THEM4: variants seen among roughly 807,000 people sequenced by gnomAD.
The protein encoded by THEM4 is thioesterase superfamily member 4.
THEM4 carries 22 observed loss-of-function variants against 25.0 expected under a neutral mutation model. That is an observed-to-expected ratio of 0.88 (90% CI 0.63 to 1.26). The LOEUF (loss-of-function observed/expected upper bound fraction) is 1.26, where lower values mean the gene tolerates loss of function less well. Among genes scored for constraint, THEM4 ranks in the 50% most tolerant of loss-of-function variants. The probability of loss-of-function intolerance (pLI) is 0.00; values close to 1 mark genes in which losing one functional copy is unlikely to be tolerated. For missense variants in THEM4, 286 were observed against 300.3 expected, an observed-to-expected ratio of 0.95 and a Z score of 0.35; for synonymous variants, 113 against 105.6, an observed-to-expected ratio of 1.07 and a Z score of -0.43.
chr1:151,884,645 T>C (rs992205695), intron 4 of THEM4, among the ~76,000 whole-genome samples: 3 of 151,910 alleles, frequency 2.0e-5, no homozygotes, highest in African/African-American at 7.3e-5. Context: ...ACTGAGGTAT[T>C]TTTTTGTTTT....
At chr1:151,908,657 TA>T (rs1217511764) in intron 1 of THEM4, among the ~76,000 whole-genome samples, 1 of 152,268 alleles carries the variant, frequency 6.6e-6, no homozygotes, top group African/African-American at 2.4e-5. Context: ...ATTATATTTA[TA>T]AGGCCTTTAT....
intron 1 of THEM4, among the ~76,000 whole-genome samples, chr1:151,902,854 G>A (rs2101731276): frequency 6.6e-6 from 1 of 152,162 alleles, no homozygotes; most frequent in East Asian, 1.9e-4. Flanking sequence ...CATGCGAGAT[G>A]GTGTGTGCCT....
intron 1 of THEM4, among the ~76,000 whole-genome samples, chr1:151,899,847 A>G (rs1654313485): frequency 6.6e-6 from 1 of 152,230 alleles, no homozygotes; most frequent in Non-Finnish European, 1.5e-5. Context: ...ACCCAGACAC[A>G]TTGTCATCAG....
chr1:151,889,271 A>T lies in THEM4; in HGVS notation c.389T>A (p.Ile130Asn). 1 of 1,613,946 alleles carries T rather than the reference A, an allele frequency of 6.2e-7. No individual in the cohort carries two copies. Among genetic ancestry groups the T allele is most frequent in the East Asian group, 2.2e-5 (1 of 44,878 alleles). The change falls in exon 3 of 6, where the codon ATT becomes AAT. Residue 130 changes from isoleucine (I) to asparagine (N), a missense_variant. By Grantham distance (149) the Ile-to-Asn change is moderately radical (BLOSUM62 -3). Coordinates refer to ENST00000368814, the MANE Select transcript of THEM4 (RefSeq NM_053055.5). ...AAATAAGCAAACCATCCTTTTCTCA[A>T]TGTCATTGTAGAACATCACGTATTC... ...GFEYVMFYND[I>N]EKRMVCLFQG... is the part of the protein sequence containing the mutation.
At position 151,872,899 on chromosome 1, in the gene THEM4, G is replaced by C. The variant is rs1414333250; in HGVS notation, c.*1989C>G. Among the ~76,000 whole-genome samples the C allele has an allele frequency of 3.9e-5, 6 of 152,074 alleles. No homozygotes were observed. Among genetic ancestry groups the C allele is most frequent in the Non-Finnish European group, 7.4e-5 (5 of 68,008 alleles). ...TGGCCTCCCGGGAAGGGAAAGACCT[G>C]ACCATCCCCCAGCCCGACACCCGCA... On this transcript the variant is annotated 3_prime_UTR_variant, in exon 6 of 6. Transcript: ENST00000368814.
chr1:151,884,836 G>A (rs981479197), intron 4 of THEM4, among the ~76,000 whole-genome samples: 2 of 151,394 alleles, frequency 1.3e-5, no homozygotes, highest in South Asian at 4.2e-4. Flanking sequence ...TTACAGGTGC[G>A]CACCACCACA....
At chr1:151,884,674 T>C (rs1330791624) in intron 4 of THEM4, among the ~76,000 whole-genome samples, 5 of 127,946 alleles carry the variant, frequency 3.9e-5, no homozygotes, top group Non-Finnish European at 6.3e-5. Flanking sequence ...TACACTTTCA[T>C]TTCCTTTTTT....
At position 151,895,156 on chromosome 1, in the gene THEM4, A is replaced by G. The variant is rs1450411944; in HGVS notation, c.138T>C (p.Cys46=). ...TGTTCCAGCTGGGGTTGGGGACAGAACAGTCCTTAAGAATGACTTCCTCAG... is the reference window on the plus strand; with the variant it reads ...TGTTCCAGCTGGGGTTGGGGACAGAGCAGTCCTTAAGAATGACTTCCTCAG... The part of the protein sequence containing the change: ...FSSEEVILKD[C]SVPNPSWNKD... The change falls in exon 2 of 6, where the codon TGT becomes TGC. Residue 46 remains cysteine (C), a synonymous_variant. Transcript: ENST00000368814. 6.2e-7 allele frequency: 1 copy of G among 1,613,930 alleles called. No homozygotes were observed. Among genetic ancestry groups the G allele is most frequent in the South Asian group, 1.1e-5 (1 of 91,026 alleles).
Position 151,871,855 on chromosome 1 carries a change from A to C in THEM4, c.*3033T>G, listed in dbSNP as rs1355907669. ...CCTGCCAGAGAAATCTAACGATGAG[A>C]GTACAGTACCTTCATTGTCTAAACT... On this transcript the variant is annotated 3_prime_UTR_variant, in exon 6 of 6. Transcript: ENST00000368814. Among the ~76,000 whole-genome samples, 2 of 152,216 alleles carry C rather than the reference A, an allele frequency of 1.3e-5. No individual in the cohort carries two copies. Among genetic ancestry groups the C allele is most frequent in the Admixed American group, 6.5e-5 (1 of 15,278 alleles).
At chr1:151,889,479 G>T in intron 2 of THEM4, 106 bp from the exon 3 acceptor site, 1 of 1,169,370 alleles carries the variant, frequency 8.6e-7, no homozygotes, top group Non-Finnish European at 1.2e-6. Context: ...ATAGATGATT[G>T]ATTCAAATGT....
chr1:151,877,278 T>G (rs1278816206), intron 4 of THEM4, among the ~76,000 whole-genome samples, 153 bp from the exon 5 acceptor site: 1 of 152,210 alleles, frequency 6.6e-6, no homozygotes, highest in Admixed American at 6.5e-5. Flanking sequence ...TCAAGGACTC[T>G]GACACCAACA....
At chr1:151,882,006 T>C (rs1653830167) in intron 4 of THEM4, among the ~76,000 whole-genome samples, 3 of 152,210 alleles carry the variant, frequency 2.0e-5, no homozygotes, top group African/African-American at 7.2e-5. Context: ...CATTTCCTTT[T>C]TTCTCTGTGC....
chr1:151,903,102 T>C (rs889744067), intron 1 of THEM4, among the ~76,000 whole-genome samples: 3 of 152,222 alleles, frequency 2.0e-5, no homozygotes, highest in African/African-American at 7.2e-5. Flanking sequence ...TGAAACCACT[T>C]TGCCCTTAGC....
At chr1:151,888,761 G>C (rs535035293) in intron 3 of THEM4, among the ~76,000 whole-genome samples, 1 of 152,106 alleles carries the variant, frequency 6.6e-6, no homozygotes, top group Non-Finnish European at 1.5e-5. Context: ...CCAGGAGTTC[G>C]AGGCTGCAGT....
At chr1:151,892,337 G>C (rs555425568) in intron 2 of THEM4, among the ~76,000 whole-genome samples, 1 of 152,246 alleles carries the variant, frequency 6.6e-6, no homozygotes, top group African/African-American at 2.4e-5. Context: ...GAGACAGGGA[G>C]GTCTAGTACA....
chr1:151,884,051 G>A lies in THEM4; in HGVS notation c.557+4222C>T, dbSNP rs1361777077. 5.3e-5 allele frequency among the ~76,000 whole-genome samples: 8 copies of A among 151,192 alleles called. 1 individual carries two copies. The highest frequency in any genetic ancestry group is 1.9e-4 in the African/African-American group (8 of 41,136). ...GATTGCGCCACTGCACTCCAGCCTG[G>A]GTGGCAGAGTGAGACTCTGTCTCAA... On this transcript the variant is annotated intron_variant, in intron 4 of 5. Coordinates refer to ENST00000368814, the MANE Select transcript of THEM4 (RefSeq NM_053055.5).
In THEM4 at chr1:151,909,454, A is replaced by G. The variant is rs1436663475; in HGVS notation, c.5T>C (p.Leu2Pro). 7.1e-7 allele frequency: 1 copy of G among 1,413,410 alleles called. No homozygotes were observed. 87.6% of individuals were successfully genotyped at this position (1,413,410 alleles called of 1,614,324 possible). The change falls in exon 1 of 6, where the codon CTG (leucine) becomes CCG (proline). Residue 2 changes from leucine (L) to proline (P), a missense_variant. Leu to Pro is a moderately conservative substitution (Grantham distance 98). Coordinates refer to ENST00000368814, the MANE Select transcript of THEM4 (RefSeq NM_053055.5). M[L>P]RSCAARLRTL... Reference sequence around the variant, plus strand: ...GCGGAGGCGCGCGGCGCAGCTCCTCAGCATGGCTCCGGGCCGCGGGGCCGC... The same window carrying G: ...GCGGAGGCGCGCGGCGCAGCTCCTCGGCATGGCTCCGGGCCGCGGGGCCGC...
At chr1:151,879,584 C>T (rs776335919) in intron 4 of THEM4, among the ~76,000 whole-genome samples, 1 of 150,742 alleles carries the variant, frequency 6.6e-6, no homozygotes, top group Non-Finnish European at 1.5e-5. Flanking sequence ...ATGCAGAGTT[C>T]TATGTTTGTC....
At chr1:151,893,986 A>G (rs894445553) in intron 2 of THEM4, among the ~76,000 whole-genome samples, 1 of 151,960 alleles carries the variant, frequency 6.6e-6, no homozygotes, top group Non-Finnish European at 1.5e-5. Flanking sequence ...CAGCCTCCCA[A>G]GTAGCTGGAA....
Sources: gnomAD v4.1 joint callset for allele counts (sites outside exome capture counted in the v4.1 genomes callset) on GRCh38, gnomAD v4.1.1 for gene constraint, MANE v1.5 for transcripts, NCBI Gene and HGNC (gene_info 2026-07-23, HGNC 2026-07-21) for gene names.